ABCA13: variants seen among roughly 807,000 people sequenced by gnomAD.
The protein encoded by ABCA13 is ATP binding cassette subfamily A member 13, also known as ATP-binding cassette sub-family A member 13.
Under a neutral mutation model 478.7 loss-of-function variants are expected in ABCA13, and 476 were observed. The ratio of observed to expected loss-of-function variants is 0.99; its 90% CI spans 0.92 to 1.07. The LOEUF (loss-of-function observed/expected upper bound fraction) is 1.07, where lower values mean the gene tolerates loss of function less well. Among genes scored for constraint, ABCA13 ranks in the 50% least tolerant of loss-of-function variants. ABCA13 has a pLI of 0.00. For synonymous variants in ABCA13, 2,252 were observed against 2,158.9 expected (o/e 1.04, Z -1.20); for missense variants, 6,060 against 5,910.6 (o/e 1.03, Z -0.83).
intron 27 of ABCA13, among the ~76,000 whole-genome samples, chr7:48,320,872 C>T (rs996698189): frequency 2.0e-5 from 3 of 152,186 alleles, no homozygotes; most frequent in African/African-American, 7.2e-5. Flanking sequence ...CTGTCACACT[C>T]AGTGTCCTCC....
intron 48 of ABCA13, among the ~76,000 whole-genome samples, chr7:48,498,726 G>A (rs560674263): frequency 1.1e-4 from 16 of 152,146 alleles, no homozygotes; most frequent in Non-Finnish European, 2.4e-4. Context: ...TATAGAATGT[G>A]GCTCAAAAAT....
chr7:48,558,479 G>A lies in ABCA13; in HGVS notation c.14355-21745G>A, dbSNP rs867752662. On this transcript the variant is annotated intron_variant, in intron 55 of 61. Coordinates refer to ENST00000435803, the MANE Select transcript of ABCA13 (RefSeq NM_152701.5). ...GCCTGGCTAATTTTTGTATTTTTTAGTCAAGATGGGGTTTCACCATGTTGC... is the reference window on the plus strand; with the variant it reads ...GCCTGGCTAATTTTTGTATTTTTTAATCAAGATGGGGTTTCACCATGTTGC... Among the ~76,000 whole-genome samples the A allele has an allele frequency of 5.4e-4, 82 of 151,830 alleles. 2 individuals carry two copies. Among genetic ancestry groups the A allele is most frequent in the Middle Eastern group, 6.8e-3 (2 of 294 alleles).
intron 53 of ABCA13, among the ~76,000 whole-genome samples, chr7:48,522,706 C>A (rs906979835): frequency 6.6e-6 from 1 of 152,156 alleles, no homozygotes; most frequent in Non-Finnish European, 1.5e-5. Flanking sequence ...TCTCCACCAA[C>A]CAGAATTACT....
rs117649711 is a variant in ABCA13, at chr7:48,298,387, T to A, written c.9221T>A (p.Met3074Lys). The A allele has an allele frequency of 3.0e-3, 4,867 of 1,610,530 alleles. 11 individuals are homozygous for A. Among genetic ancestry groups the A allele is most frequent in the Non-Finnish European group, 3.6e-3 (4,262 of 1,178,276 alleles). Residue 3074 changes from methionine to lysine, a missense_variant, in exon 23 of 62, where the codon ATG (methionine) becomes AAG (lysine). Met to Lys is a moderately conservative substitution (Grantham distance 95, BLOSUM62 -1). Coordinates refer to ENST00000435803, the MANE Select transcript of ABCA13 (RefSeq NM_152701.5). ...GCAGATGTAAAAATAAAAGATTTGA[T>A]GAAGAATATCACCAAGTTGACTGAG... The part of the protein sequence containing the change: ...VTEDVKIKDL[M>K]KNITKLTEEL...
Position 48,387,823 on chromosome 7 carries a change from A to C in ABCA13, c.11337A>C (p.Gly3779=). ...CGWYLSNLIP[G]TFGLRKPWYF... is the part of the protein sequence containing the mutation. ...AATTTTAATTGTTTCATTTTTTAGG[A>C]ACATTTGGTTTACGGAAACCATGGT... Residue 3779 remains glycine (G), a splice_region_variant and synonymous_variant, in exon 36 of 62, where the codon GGA becomes GGC. Transcript: ENST00000435803. 1 of 1,568,758 alleles carries C rather than the reference A, an allele frequency of 6.4e-7. No homozygotes were observed. Among genetic ancestry groups the C allele is most frequent in the Non-Finnish European group, 8.6e-7 (1 of 1,161,648 alleles).
chr7:48,392,283 T>C (rs1211782895), intron 38 of ABCA13, 144 bp downstream of exon 38: 2 of 795,668 alleles, frequency 2.5e-6, no homozygotes, highest in Non-Finnish European at 3.9e-6. Flanking sequence ...AACTATGGAA[T>C]TATGACACAG....
intron 39 of ABCA13, among the ~76,000 whole-genome samples, chr7:48,410,093 CA>C (rs58724216): frequency 0.054 from 3,647 of 67,132 alleles, 57 homozygotes; most frequent in East Asian, 0.084. Context: ...GACTCCATCT[CA>C]AAAAAAAAAA....
chr7:48,470,637 C>T (rs1414593582), intron 44 of ABCA13, among the ~76,000 whole-genome samples: 1 of 152,172 alleles, frequency 6.6e-6, no homozygotes, highest in Non-Finnish European at 1.5e-5. Flanking sequence ...AGACATTGTA[C>T]TTTGCTAACC....
intron 42 of ABCA13, among the ~76,000 whole-genome samples, chr7:48,453,753 A>T (rs958633725): frequency 1.3e-5 from 2 of 152,188 alleles, no homozygotes; most frequent in Non-Finnish European, 2.9e-5. Context: ...ACTCCTTGGT[A>T]CCGACTCTTT....
chr7:48,201,062 G>A (rs1429079158), intron 3 of ABCA13, among the ~76,000 whole-genome samples: 2 of 150,028 alleles, frequency 1.3e-5, no homozygotes, highest in Non-Finnish European at 3.0e-5. Context: ...GAGCTCTCAG[G>A]CTCCGCCTAC....
At chr7:48,627,549 T>C (rs540802274) in intron 59 of ABCA13, among the ~76,000 whole-genome samples, 1 of 152,352 alleles carries the variant, frequency 6.6e-6, no homozygotes, top group African/African-American at 2.4e-5. Context: ...TTAACATCTC[T>C]GGAGGTAGTC....
At chr7:48,628,582 A>G (rs1793877910) in intron 59 of ABCA13, among the ~76,000 whole-genome samples, 1 of 152,222 alleles carries the variant, frequency 6.6e-6, no homozygotes, top group African/African-American at 2.4e-5. Context: ...GCTTTCTGTC[A>G]CTGTACATGA....
chr7:48,256,121 G>A (rs963352224), intron 15 of ABCA13, among the ~76,000 whole-genome samples: 1 of 152,062 alleles, frequency 6.6e-6, no homozygotes, highest in African/African-American at 2.4e-5. Context: ...GTCTGTTCAT[G>A]TCTTTTGCCT....
At chr7:48,291,619 A>C (rs1401536908) in intron 20 of ABCA13, among the ~76,000 whole-genome samples, 1 of 152,264 alleles carries the variant, frequency 6.6e-6, no homozygotes, top group South Asian at 2.1e-4. Flanking sequence ...CCTGCTCCTC[A>C]GTCCGAGCAC....
chr7:48,192,862 A>G, intron 1 of ABCA13, 97 bp from the exon 2 acceptor site: 1 of 919,626 alleles, frequency 1.1e-6, no homozygotes, highest in Non-Finnish European at 1.6e-6. Context: ...GTTCTGAGAC[A>G]CACAGCAGGG....
At chr7:48,476,042 A>G (rs1828056762) in intron 45 of ABCA13, among the ~76,000 whole-genome samples, 1 of 152,204 alleles carries the variant, frequency 6.6e-6, no homozygotes, top group East Asian at 1.9e-4. Flanking sequence ...TGTCGCTGAG[A>G]TAATAAATTA....
At chr7:48,477,505 G>T (rs1470069199) in intron 45 of ABCA13, among the ~76,000 whole-genome samples, 3 of 151,482 alleles carry the variant, frequency 2.0e-5, no homozygotes, top group East Asian at 3.9e-4. Flanking sequence ...GTCCAACAAT[G>T]ATAGACTGGA....
Position 48,275,246 on chromosome 7 carries a change from T to G in ABCA13, c.5580T>G (p.Asp1860Glu). The change falls in exon 17 of 62, where the codon GAT becomes GAG. Residue 1860 changes from aspartate to glutamate, a missense_variant. Around this residue, in one of 3 missense-constraint regions of ABCA13, gnomAD observed 4,423 missense variants for 4,309.1 expected, o/e 1.03. Transcript: ENST00000435803. ...ATGGCAAAGTGGCCAGTATACTTGA[T>G]CATTTCCACCTGTCTCCCCAAGGTG... ...SFYGKVASIL[D>E]HFHLSPQGED... The G allele has an allele frequency of 1.2e-6, 2 of 1,613,928 alleles. No individual in the cohort carries two copies. The highest frequency in any genetic ancestry group is 2.2e-5 in the South Asian group (2 of 91,084).
At chr7:48,366,435 T>C (rs946600146) in intron 31 of ABCA13, among the ~76,000 whole-genome samples, 4 of 152,098 alleles carry the variant, frequency 2.6e-5, no homozygotes, top group African/African-American at 9.7e-5. Flanking sequence ...CTACCTGATA[T>C]TATGCATCTC....
Sources: gnomAD v4.1 joint callset for allele counts (sites outside exome capture counted in the v4.1 genomes callset) on GRCh38, gnomAD v4.1.1 for gene constraint, gnomAD v4.1.1 regional missense constraint, MANE v1.5 for transcripts, NCBI Gene and HGNC (gene_info 2026-07-23, HGNC 2026-07-21) for gene names.